Variants in NRXN1 observed in about 807,000 individuals in gnomAD.
NRXN1 encodes neurexin-1.
NRXN1 carries 39 observed loss-of-function variants against 150.9 expected under a neutral mutation model. The ratio of observed to expected loss-of-function variants is 0.26; its 90% CI spans 0.20 to 0.34. The LOEUF (loss-of-function observed/expected upper bound fraction) is 0.34, where lower values mean the gene tolerates loss of function less well. Among genes scored for constraint, NRXN1 ranks in the 10% least tolerant of loss-of-function variants. The pLI is 1.00. For missense variants in NRXN1, 1,815 were observed against 1,949.9 expected (o/e 0.93, Z 1.30); for synonymous variants, 924 against 757.0 (o/e 1.22, Z -3.62).
rs76031439 is a variant in NRXN1 at position 49,937,202 on chromosome 2, A to G, written c.4216+6502T>C. On this transcript the variant is annotated intron_variant, in intron 22 of 22. Transcript: ENST00000401669. ...TCCCCCTGTCATGAAAACATGAGAT[A>G]GTTTGTTTACATTTCCTTTGGGTGA... 7.4e-3 allele frequency among the ~76,000 whole-genome samples: 1,121 copies of G among 152,258 alleles called. 19 individuals are homozygous for G. The highest frequency in any genetic ancestry group is 0.026 in the African/African-American group (1,076 of 41,546).
chr2:50,551,050 G>GGAAGAAGAAGAA lies in NRXN1; in HGVS notation c.1759+1525_1759+1536dup, dbSNP rs1204760729. On this transcript the variant is annotated intron_variant, in intron 9 of 22. Coordinates refer to ENST00000401669, the MANE Select transcript of NRXN1 (RefSeq NM_001330078.2). ...AGGAAGAGGAAGAGGAAGAGGAAGAGGAAGAAGAAGAAGAAGAAGAAGAAG... is the reference window on the plus strand; with the variant it reads ...AGGAAGAGGAAGAGGAAGAGGAAGAGGAAGAAGAAGAAGAAGAAGAAGAAGAAGAAGAAGAAG... Among the ~76,000 whole-genome samples, 374 of 78,980 alleles carry GGAAGAAGAAGAA rather than the reference G, an allele frequency of 4.7e-3. 7 individuals are homozygous for GGAAGAAGAAGAA. Among genetic ancestry groups the GGAAGAAGAAGAA allele is most frequent in the African/African-American group, 0.024 (327 of 13,670 alleles). The allele number at this position is 78,980 out of a possible 152,430, so 51.8% of individuals were successfully genotyped here. A position where few individuals can be genotyped will look rare whatever the true frequency, so the allele number is the denominator to read the frequency against.
At position 50,098,852 on chromosome 2, in the gene NRXN1, T is replaced by G. The variant is rs9677097; in HGVS notation, c.3547-7358A>C. ...TTAGTTTTTTTTTTTTTTTTTTTTTTTTTTTTTTTTTTTTTTTTTTTTTTT... is the reference window on the plus strand; with the variant it reads ...TTAGTTTTTTTTTTTTTTTTTTTTTGTTTTTTTTTTTTTTTTTTTTTTTTT... On this transcript the variant is annotated intron_variant, in intron 18 of 22. Transcript: ENST00000401669. Among the ~76,000 whole-genome samples the G allele has an allele frequency of 9.9e-4, 24 of 24,356 alleles. 1 individual carries two copies. Among genetic ancestry groups the G allele is most frequent in the African/African-American group, 3.4e-3 (21 of 6,124 alleles). The allele number at this position is 24,356 out of a possible 152,430, so 16.0% of individuals were successfully genotyped here.
intron 10 of NRXN1, among the ~76,000 whole-genome samples, chr2:50,536,139 A>G (rs1396233066): frequency 6.6e-6 from 1 of 152,208 alleles, no homozygotes; most frequent in Non-Finnish European, 1.5e-5. Flanking sequence ...GGCAGAAGCC[A>G]AATTTTGTGG....
chr2:50,972,806 T>C (rs1310783021), intron 2 of NRXN1, among the ~76,000 whole-genome samples: 1 of 152,132 alleles, frequency 6.6e-6, no homozygotes, highest in Non-Finnish European at 1.5e-5. Flanking sequence ...GCTCAGGCAG[T>C]AATGTGAGCA....
chr2:50,244,034 C>G (rs1267838412), intron 17 of NRXN1, among the ~76,000 whole-genome samples: 1 of 151,664 alleles, frequency 6.6e-6, no homozygotes, highest in East Asian at 1.9e-4. Context: ...ACCTATTGGC[C>G]CAAAACTTTT....
rs534569422 is a variant in NRXN1, at chr2:50,744,985, T to G, written c.833-121370A>C. 1.0e-3 allele frequency among the ~76,000 whole-genome samples: 152 copies of G among 152,248 alleles called. 1 individual carries two copies. Among genetic ancestry groups the G allele is most frequent in the African/African-American group, 3.5e-3 (147 of 41,560 alleles). On this transcript the variant is annotated intron_variant, in intron 5 of 22. Transcript: ENST00000401669. The stretch of plus-strand genomic sequence containing the variant: ...CTCCTTTGTGCTTCACATGCTGCCC[T>G]CTCAGTGAAAAGCAACTATAAGCAC...
At chr2:50,258,861 A>G (rs752593872) in intron 17 of NRXN1, among the ~76,000 whole-genome samples, 1 of 152,022 alleles carries the variant, frequency 6.6e-6, no homozygotes, top group Admixed American at 6.6e-5. Flanking sequence ...ATTGGGTGAC[A>G]GGTGCATTGT....
intron 17 of NRXN1, among the ~76,000 whole-genome samples, chr2:50,358,511 T>C (rs890764492): frequency 6.6e-6 from 1 of 152,316 alleles, no homozygotes; most frequent in East Asian, 1.9e-4. Context: ...AAAGCCGCTA[T>C]AGCCAGACTG....
chr2:50,155,317 A>G (rs1262157393), intron 18 of NRXN1, among the ~76,000 whole-genome samples: 2 of 151,566 alleles, frequency 1.3e-5, no homozygotes, highest in Non-Finnish European at 3.0e-5. Context: ...GTAATGACCA[A>G]TAAGGAACTA....
intron 17 of NRXN1, among the ~76,000 whole-genome samples, chr2:50,352,550 G>A (rs1050675800): frequency 3.3e-5 from 5 of 151,776 alleles, no homozygotes; most frequent in Admixed American, 2.6e-4. Flanking sequence ...ATTTCTACCA[G>A]TATCCCCATA....
At chr2:50,133,006 T>C (rs993585759) in intron 18 of NRXN1, among the ~76,000 whole-genome samples, 5 of 152,136 alleles carry the variant, frequency 3.3e-5, no homozygotes, top group African/African-American at 4.8e-5. Flanking sequence ...CGTTTGGGTG[T>C]ATCTTAGGAA....
At chr2:50,373,017 C>T (rs547407963) in intron 17 of NRXN1, among the ~76,000 whole-genome samples, 1 of 152,166 alleles carries the variant, frequency 6.6e-6, no homozygotes, top group South Asian at 2.1e-4. Context: ...CACCATTGTT[C>T]CTTATAAAAG....
chr2:50,962,426 A>G (rs1645285429), intron 2 of NRXN1, among the ~76,000 whole-genome samples: 1 of 151,710 alleles, frequency 6.6e-6, no homozygotes, highest in Non-Finnish European at 1.5e-5. Context: ...ATCCTCTTAT[A>G]GAATGCTTCA....
At position 49,921,916 on chromosome 2, in the gene NRXN1, A is replaced by G. The variant is rs200262667; in HGVS notation, c.*28T>C. ...CTCAGATAAAATGAAGACTATTTCTATACAAGTGTCCATTTAAGATCTTGG... is the reference window on the plus strand; with the variant it reads ...CTCAGATAAAATGAAGACTATTTCTGTACAAGTGTCCATTTAAGATCTTGG... On this transcript the variant is annotated 3_prime_UTR_variant, in exon 23 of 23. Coordinates refer to ENST00000401669, the MANE Select transcript of NRXN1 (RefSeq NM_001330078.2). The G allele has an allele frequency of 6.5e-5, 104 of 1,602,012 alleles. 2 individuals carry two copies. The highest frequency in any genetic ancestry group is 5.8e-4 in the South Asian group (53 of 90,764).
intron 2 of NRXN1, among the ~76,000 whole-genome samples, chr2:51,003,067 G>T (rs986768072): frequency 1.3e-5 from 2 of 151,796 alleles, no homozygotes; most frequent in Non-Finnish European, 2.9e-5. Context: ...AGAAATAGGA[G>T]GAAACACTTA....
chr2:50,531,853 GTTGT>G lies in NRXN1; in HGVS notation c.2144-427_2144-424del, dbSNP rs374678552. On this transcript the variant is annotated intron_variant, in intron 10 of 22. Coordinates refer to ENST00000401669, the MANE Select transcript of NRXN1 (RefSeq NM_001330078.2). Reference sequence around the variant, plus strand: ...TTGTTGTTTTTGTTTGGGTTTTGTTGTTGTTTGTTTGTTTGAGACAAGGTCTGTA... The same window carrying G: ...TTGTTGTTTTTGTTTGGGTTTTGTTGTTGTTTGTTTGAGACAAGGTCTGTA... Among the ~76,000 whole-genome samples the G allele has an allele frequency of 3.0e-4, 46 of 152,008 alleles. No individual in the cohort carries two copies. In the East Asian group the frequency reaches 4.1e-3, roughly 13 times the overall value.
intron 21 of NRXN1, among the ~76,000 whole-genome samples, chr2:50,051,371 T>C (rs1438122652): frequency 1.3e-5 from 2 of 152,062 alleles, no homozygotes; most frequent in African/African-American, 4.8e-5. Flanking sequence ...TCATTAATGA[T>C]AAAACAAGAC....
chr2:51,005,697 T>C (rs1700621187), intron 2 of NRXN1, among the ~76,000 whole-genome samples: 1 of 151,474 alleles, frequency 6.6e-6, no homozygotes, highest in Non-Finnish European at 1.5e-5. Context: ...ATTGCAAAAA[T>C]AAACCATAAG....
chr2:50,901,321 G>C (rs533316129), intron 5 of NRXN1, among the ~76,000 whole-genome samples: 1 of 152,130 alleles, frequency 6.6e-6, no homozygotes, highest in East Asian at 1.9e-4. Flanking sequence ...GGATCACAAG[G>C]TCAGGAGATC....
Sources: allele counts gnomAD v4.1 joint callset (sites outside exome capture counted in the v4.1 genomes callset), GRCh38; gene constraint gnomAD v4.1.1; transcripts MANE v1.5; gene names NCBI Gene and HGNC (gene_info 2026-07-23, HGNC 2026-07-21).